Variants in SIPA1L1 observed in about 807,000 individuals in gnomAD.
The protein encoded by SIPA1L1 is signal induced proliferation associated 1 like 1.
A neutral mutation model predicts 162.7 loss-of-function variants in SIPA1L1; 26 were observed. That is an observed-to-expected ratio of 0.16 (90% CI 0.12 to 0.22). SIPA1L1 has a LOEUF of 0.22. Ranked by LOEUF, SIPA1L1 falls within the 10% of genes least tolerant of loss-of-function variation. The pLI, the probability that SIPA1L1 is intolerant of heterozygous loss-of-function variation, is 1.00. For synonymous variants in SIPA1L1, 829 were observed against 837.4 expected (o/e 0.99, Z 0.17); for missense variants, 1,874 against 2,241.0 (o/e 0.84, Z 3.31).
intron 2 of SIPA1L1, chr14:71,379,686 A>G (rs924713253): frequency 6.6e-6 from 1 of 152,216 alleles, no homozygotes; most frequent in Non-Finnish European, 1.5e-5. Context: ...CCATGTAAGG[A>G]AAAAAGAGTG....
At chr14:71,725,992 G>A (rs2084208079) in intron 19 of SIPA1L1, among the ~76,000 whole-genome samples, 1 of 152,176 alleles carries the variant, frequency 6.6e-6, no homozygotes, top group Admixed American at 6.5e-5. Context: ...CAGCTGTGTG[G>A]GGCTGCCGCC....
chr14:71,706,861 G>A (rs145834594), intron 16 of SIPA1L1, among the ~76,000 whole-genome samples: 1,521 of 151,828 alleles, frequency 0.01, 29 homozygotes, highest in African/African-American at 0.034. Context: ...TGATGAAACC[G>A]TCTCTACTAA....
At chr14:71,464,895 G>C (rs996112642) in intron 2 of SIPA1L1, among the ~76,000 whole-genome samples, 1 of 152,170 alleles carries the variant, frequency 6.6e-6, no homozygotes, top group Non-Finnish European at 1.5e-5. Context: ...CGGGACTTTA[G>C]TTATAGGTCT....
intron 2 of SIPA1L1, among the ~76,000 whole-genome samples, chr14:71,386,088 A>G (rs1342621562): frequency 6.6e-6 from 1 of 152,178 alleles, no homozygotes; most frequent in Non-Finnish European, 1.5e-5. Context: ...ACGTGTGACT[A>G]CTGCCTGTCA....
At chr14:71,328,628 T>C (rs1299548821) in intron 2 of SIPA1L1, among the ~76,000 whole-genome samples, 1 of 152,218 alleles carries the variant, frequency 6.6e-6, no homozygotes, top group African/African-American at 2.4e-5. Context: ...CTGGATCTTT[T>C]GTAGAGGCCC....
intron 2 of SIPA1L1, among the ~76,000 whole-genome samples, chr14:71,480,308 C>T (rs565860950): frequency 2.6e-5 from 4 of 151,734 alleles, no homozygotes; most frequent in South Asian, 4.2e-4. Context: ...CAGTCTTGAA[C>T]TCCTGAGTCA....
intron 16 of SIPA1L1, among the ~76,000 whole-genome samples, chr14:71,705,929 T>C (rs1461769704): frequency 6.6e-6 from 1 of 152,134 alleles, no homozygotes. Flanking sequence ...TTCCCCACTC[T>C]TCTTCCCTGA....
At chr14:71,423,944 G>C (rs992877555) in intron 2 of SIPA1L1, among the ~76,000 whole-genome samples, 11 of 152,082 alleles carry the variant, frequency 7.2e-5, no homozygotes, top group African/African-American at 2.7e-4. Context: ...AACATGGAAA[G>C]TGCTTCTATT....
chr14:71,526,595 A>G (rs1239945254), intron 3 of SIPA1L1, among the ~76,000 whole-genome samples: 1 of 152,138 alleles, frequency 6.6e-6, no homozygotes, highest in Non-Finnish European at 1.5e-5. Context: ...ATAAAGTTTT[A>G]TCGGAACACA....
At position 71,390,450 on chromosome 14, in the gene SIPA1L1, G is replaced by A. The variant is rs184474304; in HGVS notation, c.-465+69269G>A. 3.3e-5 allele frequency among the ~76,000 whole-genome samples: 5 copies of A among 152,130 alleles called. No homozygotes were observed. The East Asian group carries it at 9.7e-4, about 29-fold the overall frequency. ...GTACATAGCTATTCTTCAAAAACAT[G>A]GTTTTTATTGGTTGTTTTGGTGCCC... On this transcript the variant is annotated intron_variant, in intron 2 of 23. Coordinates refer to ENST00000381232, the MANE Select transcript of SIPA1L1 (RefSeq NM_001386936.1).
chr14:71,446,920 T>TG (rs2045434966), intron 2 of SIPA1L1, among the ~76,000 whole-genome samples: 5 of 109,266 alleles, frequency 4.6e-5, no homozygotes, highest in Admixed American at 1.9e-4. Flanking sequence ...TTTTTTTTTT[T>TG]TTTTTTTTTG....
In SIPA1L1 at chr14:71,348,475, A is replaced by G. The variant is rs77747030; in HGVS notation, c.-465+27294A>G. Among the ~76,000 whole-genome samples, 1,293 of 151,776 alleles carry G rather than the reference A, an allele frequency of 8.5e-3. 47 individuals are homozygous for G. Among genetic ancestry groups the G allele is most frequent in the Admixed American group, 0.062 (949 of 15,252 alleles). On this transcript the variant is annotated intron_variant, in intron 2 of 23. Transcript: ENST00000381232. ...TAGTTTTCCGTTGTATCAATATCCA[A>G]CTCTTTATACTGTCTTCTTTTGATG...
At chr14:71,666,721 T>C (rs1215150814) in intron 10 of SIPA1L1, among the ~76,000 whole-genome samples, 1 of 152,068 alleles carries the variant, frequency 6.6e-6, no homozygotes, top group Non-Finnish European at 1.5e-5. Flanking sequence ...CAAAAAGCAC[T>C]TGGAATTAGA....
intron 4 of SIPA1L1, among the ~76,000 whole-genome samples, chr14:71,541,896 T>G (rs1373027349): frequency 6.6e-6 from 1 of 152,140 alleles, no homozygotes; most frequent in East Asian, 1.9e-4. Context: ...TGCACAGTAA[T>G]AGCTCAAGGC....
intron 4 of SIPA1L1, among the ~76,000 whole-genome samples, chr14:71,539,138 G>A (rs1056219246): frequency 6.6e-6 from 1 of 152,182 alleles, no homozygotes; most frequent in African/African-American, 2.4e-5. Flanking sequence ...TCTGTTTGGA[G>A]GACAGTCAGT....
intron 7 of SIPA1L1, among the ~76,000 whole-genome samples, chr14:71,637,391 T>C (rs2041269790): frequency 6.6e-6 from 1 of 152,184 alleles, no homozygotes; most frequent in African/African-American, 2.4e-5. Context: ...ATAATCGTTC[T>C]ATTTTATAAC....
At position 71,321,170 on chromosome 14, in the gene SIPA1L1, C is replaced by CCGGGCCGAGCGGT. The variant is rs1321778116; in HGVS notation, c.-475_-465+2dup. ...CGGGACGCGCGGCGGCACCGGGAGG[C>CCGGGCCGAGCGGT]CGGGCCGAGCGGTAAGTGGTCCCCG... On this transcript the variant is annotated 5_prime_UTR_variant, in exon 2 of 24. Coordinates refer to ENST00000381232, the MANE Select transcript of SIPA1L1 (RefSeq NM_001386936.1). The CCGGGCCGAGCGGT allele has an allele frequency of 2.6e-5, 4 of 152,114 alleles. No homozygotes were observed. The highest frequency in any genetic ancestry group is 9.7e-5 in the African/African-American group (4 of 41,414). 9.4% of individuals were successfully genotyped at this position (152,114 alleles called of 1,614,324 possible). A position where few individuals can be genotyped will look rare whatever the true frequency, so the allele number is the denominator to read the frequency against.
At chr14:71,544,273 A>G (rs960407909) in intron 4 of SIPA1L1, among the ~76,000 whole-genome samples, 19 of 107,194 alleles carry the variant, frequency 1.8e-4, no homozygotes, top group African/African-American at 4.8e-4. Flanking sequence ...ATATGTGTAT[A>G]TACATATGTG....
chr14:71,463,230 T>A (rs1230197025), intron 2 of SIPA1L1, among the ~76,000 whole-genome samples: 1 of 152,214 alleles, frequency 6.6e-6, no homozygotes, highest in African/African-American at 2.4e-5. Context: ...CCATTTGGAC[T>A]TTCCCTCCAT....
Sources: allele counts gnomAD v4.1 joint callset (sites outside exome capture counted in the v4.1 genomes callset), GRCh38; gene constraint gnomAD v4.1.1; transcripts MANE v1.5; gene names NCBI Gene and HGNC (gene_info 2026-07-23, HGNC 2026-07-21).